Variants in PTPRD observed in about 807,000 individuals in gnomAD.
The protein encoded by PTPRD is receptor-type tyrosine-protein phosphatase delta.
Under a neutral mutation model 214.5 loss-of-function variants are expected in PTPRD, and 34 were observed. The ratio of observed to expected loss-of-function variants is 0.16; its 90% CI spans 0.12 to 0.21. The LOEUF (loss-of-function observed/expected upper bound fraction) is 0.21, where lower values mean the gene tolerates loss of function less well. Among genes scored for constraint, PTPRD ranks in the 10% least tolerant of loss-of-function variants. The probability of loss-of-function intolerance (pLI) is 1.00; values close to 1 mark genes in which losing one functional copy is unlikely to be tolerated. For synonymous variants in PTPRD, 1,128 were observed against 845.7 expected, an observed-to-expected ratio of 1.33 and a Z score of -5.79; for missense variants, 2,545 against 2,398.7, an observed-to-expected ratio of 1.06 and a Z score of -1.27.
At chr9:9,418,943 C>G (rs1264559316) in intron 8 of PTPRD, among the ~76,000 whole-genome samples, 1 of 151,680 alleles carries the variant, frequency 6.6e-6, no homozygotes, top group Non-Finnish European at 1.5e-5. Flanking sequence ...TTTTAATAAG[C>G]AGAAAGAGTG....
intron 4 of PTPRD, among the ~76,000 whole-genome samples, chr9:9,959,755 G>C (rs1482794752): frequency 6.6e-6 from 1 of 152,164 alleles, no homozygotes; most frequent in Non-Finnish European, 1.5e-5. Flanking sequence ...GAATGTATTG[G>C]AATGGAACTG....
intron 11 of PTPRD, among the ~76,000 whole-genome samples, chr9:8,980,827 T>C (rs1470622694): frequency 1.3e-5 from 2 of 151,934 alleles, no homozygotes. Context: ...TGTACATTTA[T>C]GAATCATGTA....
intron 11 of PTPRD, among the ~76,000 whole-genome samples, chr9:8,853,555 C>A (rs1479468412): frequency 6.6e-6 from 1 of 152,102 alleles, no homozygotes; most frequent in African/African-American, 2.4e-5. Context: ...CAAACCTATC[C>A]TTTGGTAGAA....
chr9:9,849,192 G>A (rs984734762), intron 5 of PTPRD, among the ~76,000 whole-genome samples: 1 of 151,864 alleles, frequency 6.6e-6, no homozygotes, highest in Non-Finnish European at 1.5e-5. Context: ...TGGTTCCCTG[G>A]GCTACTCACA....
At chr9:10,011,279 G>C (rs2096594363) in intron 4 of PTPRD, among the ~76,000 whole-genome samples, 1 of 151,844 alleles carries the variant, frequency 6.6e-6, no homozygotes, top group Admixed American at 6.6e-5. Flanking sequence ...GCATTGAATT[G>C]TAAAATATTG....
chr9:9,721,685 T>C (rs1289814285), intron 7 of PTPRD, among the ~76,000 whole-genome samples: 1 of 152,138 alleles, frequency 6.6e-6, no homozygotes, highest in Admixed American at 6.5e-5. Context: ...GTTTAAACTC[T>C]CCCTGATAAA....
At chr9:10,126,411 A>G (rs1465356060) in intron 3 of PTPRD, among the ~76,000 whole-genome samples, 1 of 142,404 alleles carries the variant, frequency 7.0e-6, no homozygotes, top group Non-Finnish European at 1.5e-5. Context: ...TCCTTAAATA[A>G]TACTGTTTTA....
chr9:9,030,454 C>G (rs1054553828), intron 10 of PTPRD, among the ~76,000 whole-genome samples: 5 of 151,666 alleles, frequency 3.3e-5, no homozygotes, highest in African/African-American at 1.2e-4. Context: ...CTGATATTAT[C>G]TTTTTTGTGT....
chr9:8,774,517 T>C (rs1235372542), intron 11 of PTPRD, among the ~76,000 whole-genome samples: 2 of 142,808 alleles, frequency 1.4e-5, no homozygotes, highest in East Asian at 4.1e-4. Flanking sequence ...AAAATGCATG[T>C]GAAAAGTAAC....
chr9:9,383,908 T>C (rs1421191125), intron 9 of PTPRD, among the ~76,000 whole-genome samples: 1 of 152,044 alleles, frequency 6.6e-6, no homozygotes, highest in Non-Finnish European at 1.5e-5. Context: ...TCTGTGTGTT[T>C]TTGCAACAGT....
intron 9 of PTPRD, among the ~76,000 whole-genome samples, chr9:9,302,229 T>G (rs1236777014): frequency 6.6e-6 from 1 of 151,940 alleles, no homozygotes; most frequent in Admixed American, 6.6e-5. Flanking sequence ...AAATATGTTA[T>G]GGCATTTCCT....
chr9:9,306,171 T>C (rs1302131401), intron 9 of PTPRD, among the ~76,000 whole-genome samples: 3 of 152,094 alleles, frequency 2.0e-5, no homozygotes, highest in African/African-American at 7.2e-5. Flanking sequence ...TAAAAACATG[T>C]TTGACATTAT....
intron 4 of PTPRD, among the ~76,000 whole-genome samples, chr9:10,023,031 C>A (rs2096853992): frequency 6.6e-6 from 1 of 152,212 alleles, no homozygotes; most frequent in South Asian, 2.1e-4. Flanking sequence ...CTTTGTCCAA[C>A]TGTTAAAATT....
chr9:9,286,730 T>A (rs535325790), intron 9 of PTPRD, among the ~76,000 whole-genome samples: 35 of 150,840 alleles, frequency 2.3e-4, no homozygotes, highest in African/African-American at 8.2e-4. Flanking sequence ...ATTTTGCACA[T>A]CTGTATCCCT....
chr9:8,363,837 A>G (rs2079110688), intron 39 of PTPRD, among the ~76,000 whole-genome samples: 1 of 152,158 alleles, frequency 6.6e-6, no homozygotes, highest in African/African-American at 2.4e-5. Context: ...ATCATCATTT[A>G]CTTTGTCCTC....
intron 9 of PTPRD, among the ~76,000 whole-genome samples, chr9:9,225,514 A>G (rs574057769): frequency 6.6e-6 from 1 of 152,054 alleles, no homozygotes. Flanking sequence ...CTTGTGCTAC[A>G]AATCTATCTA....
intron 35 of PTPRD, among the ~76,000 whole-genome samples, chr9:8,426,983 G>A (rs2094720491): frequency 6.6e-6 from 1 of 152,142 alleles, no homozygotes. Context: ...CTTCTAAGGT[G>A]AGCTGCTGTG....
At chr9:8,770,849 G>A (rs1435802333) in intron 11 of PTPRD, among the ~76,000 whole-genome samples, 1 of 152,100 alleles carries the variant, frequency 6.6e-6, no homozygotes, top group Non-Finnish European at 1.5e-5. Flanking sequence ...AGCATTCATT[G>A]AACGGAGTAA....
chr9:10,578,131 A>C (rs1428119856), intron 2 of PTPRD, among the ~76,000 whole-genome samples: 1 of 152,008 alleles, frequency 6.6e-6, no homozygotes, highest in Non-Finnish European at 1.5e-5. Context: ...GTTGGTCTCA[A>C]ACTCCTGACC....
Sources: allele counts gnomAD v4.1 joint callset (sites outside exome capture counted in the v4.1 genomes callset), GRCh38; gene constraint gnomAD v4.1.1; transcripts MANE v1.5; gene names NCBI Gene and HGNC (gene_info 2026-07-23, HGNC 2026-07-21).